PATJ: variants seen among roughly 807,000 people sequenced by gnomAD.
PATJ encodes the protein PATJ crumbs cell polarity complex component.
A neutral mutation model predicts 224.9 loss-of-function variants in PATJ; 190 were observed. That is an observed-to-expected ratio of 0.84 (90% CI 0.75 to 0.95). The LOEUF (loss-of-function observed/expected upper bound fraction) is 0.95. Ranked by LOEUF, PATJ falls within the 40% of genes least tolerant of loss-of-function variation. The pLI is 0.00. For missense variants in PATJ, 2,121 were observed against 2,270.3 expected, an observed-to-expected ratio of 0.93 and a Z score of 1.34; for synonymous variants, 769 against 820.3, an observed-to-expected ratio of 0.94 and a Z score of 1.07.
intron 26 of PATJ, among the ~76,000 whole-genome samples, chr1:61,921,569 C>G (rs1222409777): frequency 6.6e-6 from 1 of 152,082 alleles, no homozygotes; most frequent in Admixed American, 6.6e-5. Flanking sequence ...AGGTACAAGC[C>G]TTTATTTTCA....
In PATJ at chr1:61,794,961, G is replaced by A. The variant is rs1473210476; in HGVS notation, c.1169-506G>A. 3.3e-5 allele frequency among the ~76,000 whole-genome samples: 5 copies of A among 152,010 alleles called. No individual in the cohort carries two copies. In the East Asian group the frequency reaches 5.8e-4, roughly 18 times the overall value. The stretch of plus-strand genomic sequence containing the variant: ...CGTGCCATTGCACTCCAGCCTGGGC[G>A]ACAAGAGCAAAACTCCATCTCAAAA... On this transcript the variant is annotated intron_variant, in intron 9 of 43. Transcript: ENST00000642238.
chr1:61,813,334 CATATATATATATATAT>C lies in PATJ; in HGVS notation c.1683+4834_1683+4849del, dbSNP rs747640923. ...TCCTGATCAACCTCTATGGAATGTACATATATATATATATATATATATATATATATATATATATATA... is the reference window on the plus strand; with the variant it reads ...TCCTGATCAACCTCTATGGAATGTACATATATATATATATATATATATATA... On this transcript the variant is annotated intron_variant, in intron 14 of 43. Transcript: ENST00000642238. 2.3e-3 allele frequency among the ~76,000 whole-genome samples: 145 copies of C among 63,074 alleles called. 2 individuals carry two copies. Among genetic ancestry groups the C allele is most frequent in the Middle Eastern group, 8.9e-3 (1 of 112 alleles). The allele number at this position is 63,074 out of a possible 152,430, so 41.4% of individuals were successfully genotyped here. A position where few individuals can be genotyped will look rare whatever the true frequency, so the allele number is the denominator to read the frequency against.
chr1:62,082,910 T>G (rs1378895654), intron 32 of PATJ, among the ~76,000 whole-genome samples: 1 of 152,200 alleles, frequency 6.6e-6, no homozygotes, highest in African/African-American at 2.4e-5. Context: ...GTGCATTAGC[T>G]GCAGCTGACC....
At chr1:62,048,545 C>CAAAAAAAAAAAAAAAAAAAAA (rs773157635) in intron 30 of PATJ, among the ~76,000 whole-genome samples, 50 of 66,180 alleles carry the variant, frequency 7.6e-4, no homozygotes, top group East Asian at 2.5e-3. Flanking sequence ...GACTCTGTCT[C>CAAAAAAAAAAAAAAAAAAAAA]AAAAAAAAAA....
chr1:61,769,521 T>A (rs1557610602), intron 5 of PATJ, 99 bp downstream of exon 5: 6 of 1,305,686 alleles, frequency 4.6e-6, no homozygotes, highest in Middle Eastern at 3.8e-4. Context: ...ACAGTAACAG[T>A]AACAGCTAAC....
chr1:62,127,866 C>A, intron 39 of PATJ, 106 bp from the exon 40 acceptor site: 2 of 1,121,074 alleles, frequency 1.8e-6, no homozygotes, highest in Non-Finnish European at 1.3e-6. Context: ...TTATCCTGGC[C>A]TCCTACCTCA....
intron 29 of PATJ, among the ~76,000 whole-genome samples, chr1:62,023,453 G>C (rs1647206153): frequency 6.6e-6 from 1 of 152,202 alleles, no homozygotes; most frequent in Non-Finnish European, 1.5e-5. Flanking sequence ...TGTTAATGCT[G>C]TGGAGTCAGT....
intron 25 of PATJ, among the ~76,000 whole-genome samples, chr1:61,910,651 A>G (rs148397616): frequency 1.8e-3 from 261 of 147,678 alleles, no homozygotes; most frequent in African/African-American, 6.0e-3. Flanking sequence ...GGCTCAAGCA[A>G]TCTTCCCAGT....
At chr1:61,963,241 G>C (rs1232780771) in intron 27 of PATJ, among the ~76,000 whole-genome samples, 2 of 152,144 alleles carry the variant, frequency 1.3e-5, no homozygotes, top group Non-Finnish European at 2.9e-5. Flanking sequence ...AGTTAGGCAC[G>C]TATTTTGTAT....
chr1:61,836,612 TTA>T (rs1660219450), intron 17 of PATJ, among the ~76,000 whole-genome samples: 1 of 152,236 alleles, frequency 6.6e-6, no homozygotes, highest in African/African-American at 2.4e-5. Context: ...CCTAGAACTG[TTA>T]TCTACCATGA....
intron 29 of PATJ, among the ~76,000 whole-genome samples, chr1:62,032,942 T>C (rs923799212): frequency 2.0e-5 from 3 of 152,140 alleles, no homozygotes; most frequent in Non-Finnish European, 4.4e-5. Flanking sequence ...CACACACTTA[T>C]AAAACCATCA....
At chr1:61,837,591 C>T (rs572459478) in intron 17 of PATJ, among the ~76,000 whole-genome samples, 9 of 152,134 alleles carry the variant, frequency 5.9e-5, no homozygotes, top group South Asian at 4.1e-4. Flanking sequence ...AAGTTTGAGA[C>T]CAGCCTGGCC....
intron 9 of PATJ, among the ~76,000 whole-genome samples, chr1:61,792,126 TA>T (rs982366209): frequency 1.4e-4 from 22 of 151,816 alleles, no homozygotes; most frequent in African/African-American, 3.9e-4. Context: ...TTCATTTCCT[TA>T]AAAAAAAATT....
intron 22 of PATJ, 54 bp downstream of exon 22, chr1:61,884,462 T>G (rs1039862815): frequency 9.2e-5 from 112 of 1,222,066 alleles, no homozygotes; most frequent in Non-Finnish European, 1.1e-4. Flanking sequence ...TTTTTTTTTT[T>G]TTTTTTTTTT....
At chr1:62,030,760 T>C (rs1649098529) in intron 29 of PATJ, among the ~76,000 whole-genome samples, 1 of 152,220 alleles carries the variant, frequency 6.6e-6, no homozygotes, top group Admixed American at 6.5e-5. Context: ...TTAATGTAAA[T>C]AGAATCAAAC....
At chr1:61,829,518 G>A (rs1355845198) in intron 16 of PATJ, among the ~76,000 whole-genome samples, 1 of 152,204 alleles carries the variant, frequency 6.6e-6, no homozygotes, top group Non-Finnish European at 1.5e-5. Context: ...GTGAACAACA[G>A]CTTTGAATCA....
intron 26 of PATJ, among the ~76,000 whole-genome samples, chr1:61,923,038 A>G (rs959577426): frequency 6.6e-6 from 1 of 152,274 alleles, no homozygotes; most frequent in Non-Finnish European, 1.5e-5. Context: ...GGACTGCTCC[A>G]TTAAACCAAT....
intron 29 of PATJ, among the ~76,000 whole-genome samples, chr1:62,032,526 T>C (rs1335956811): frequency 6.6e-6 from 1 of 152,194 alleles, no homozygotes; most frequent in Non-Finnish European, 1.5e-5. Flanking sequence ...GTCTGTAAAC[T>C]GGGGGCAGGA....
At chr1:61,829,267 T>C (rs1385943734) in intron 16 of PATJ, among the ~76,000 whole-genome samples, 1 of 152,246 alleles carries the variant, frequency 6.6e-6, no homozygotes, top group Non-Finnish European at 1.5e-5. Context: ...GCTTGGTAAA[T>C]TTTTGATTAT....
Sources: gnomAD v4.1 joint callset for allele counts (sites outside exome capture counted in the v4.1 genomes callset) on GRCh38, gnomAD v4.1.1 for gene constraint, MANE v1.5 for transcripts, NCBI Gene and HGNC (gene_info 2026-07-23, HGNC 2026-07-21) for gene names.